PWWP3B: variants seen among roughly 807,000 people sequenced by gnomAD.
PWWP3B encodes PWWP domain containing 3B, also known as PWWP domain-containing DNA repair factor 3B.
A neutral mutation model predicts 15.7 loss-of-function variants in PWWP3B; 5 were observed. The observed-to-expected ratio is 0.32, with a 90% CI of 0.17 to 0.67. The LOEUF (loss-of-function observed/expected upper bound fraction) is 0.67, where lower values mean the gene tolerates loss of function less well. Ranked by LOEUF, PWWP3B falls within the 30% of genes least tolerant of loss-of-function variation. PWWP3B has a pLI of 0.74. For synonymous variants in PWWP3B, 203 were observed against 179.8 expected (o/e 1.13, Z -1.03); for missense variants, 519 against 493.1 (o/e 1.05, Z -0.50).
intron 2 of PWWP3B, among the ~76,000 whole-genome samples, chrX:106,178,066 T>C (rs1047201275): frequency 4.5e-5 from 5 of 111,870 alleles, no homozygotes; most frequent in African/African-American, 1.3e-4. Context: ...ACAGACACGC[T>C]CCCATACTCC....
At chrX:106,202,477 C>T (rs1205726069) in intron 2 of PWWP3B, among the ~76,000 whole-genome samples, 1 of 111,844 alleles carries the variant, frequency 8.9e-6, no homozygotes, top group South Asian at 3.8e-4. Context: ...CACACAAAGA[C>T]ATGCTCCCAT....
At chrX:106,203,665 G>T (rs1252573737) in intron 2 of PWWP3B, among the ~76,000 whole-genome samples, 1 of 111,974 alleles carries the variant, frequency 8.9e-6, no homozygotes, top group African/African-American at 3.2e-5. Context: ...CATGATAACT[G>T]ATGTGAGCAT....
At chrX:106,201,635 C>A (rs1410889585) in intron 2 of PWWP3B, 1 of 111,814 alleles carries the variant, frequency 8.9e-6, no homozygotes, top group Non-Finnish European at 1.9e-5. Context: ...CTCCCCTGAT[C>A]CAGGCAGGGG....
At chrX:106,189,719 G>A (rs1364339950) in intron 2 of PWWP3B, among the ~76,000 whole-genome samples, 6 of 103,513 alleles carry the variant, frequency 5.8e-5, no homozygotes, top group Non-Finnish European at 9.7e-5. Flanking sequence ...CCGGGTTCAC[G>A]CCATTCTCCT....
chrX:106,194,557 C>T (rs1021695450), intron 2 of PWWP3B, among the ~76,000 whole-genome samples: 8 of 112,234 alleles, frequency 7.1e-5, no homozygotes, highest in African/African-American at 1.3e-4. Context: ...AGTCATTCTC[C>T]GTCCAGCTTT....
At chrX:106,175,646 G>T (rs1262885762) in intron 2 of PWWP3B, among the ~76,000 whole-genome samples, 3 of 111,156 alleles carry the variant, frequency 2.7e-5, no homozygotes, top group Non-Finnish European at 5.7e-5. Context: ...AGTGAATAGT[G>T]GTGGAAAGAG....
intron 2 of PWWP3B, among the ~76,000 whole-genome samples, chrX:106,190,938 G>T (rs1201004305): frequency 1.8e-5 from 2 of 111,387 alleles, no homozygotes; most frequent in Non-Finnish European, 3.8e-5. Context: ...TGCTGTTTTG[G>T]TTACCGTAGC....
At chrX:106,189,151 G>C (rs911843015) in intron 2 of PWWP3B, among the ~76,000 whole-genome samples, 56 of 112,045 alleles carry the variant, frequency 5.0e-4, no homozygotes, top group Middle Eastern at 4.7e-3. Flanking sequence ...ACACATCATT[G>C]CTAGAAGTCG....
intron 2 of PWWP3B, among the ~76,000 whole-genome samples, chrX:106,192,660 C>T (rs1166379001): frequency 1.8e-5 from 2 of 111,305 alleles, no homozygotes; most frequent in African/African-American, 6.5e-5. Flanking sequence ...ATCTTTCCTG[C>T]TTTCTCTTGT....
Position 106,207,136 on chromosome X carries a change from C to T in PWWP3B, c.1704C>T (p.Asn568=), listed in dbSNP as rs934961503. 1.3e-5 allele frequency: 16 copies of T among 1,204,777 alleles called. No individual in the cohort carries two copies. The highest frequency in any genetic ancestry group is 2.2e-5 in the Admixed American group (1 of 45,145). The stretch of plus-strand genomic sequence containing the variant: ...TTGTGAATGCAAAGGGAACAGAGAA[C>T]CATCTTCTGGCCATTGTAAATGGCA... The part of the protein sequence containing the change: ...DFIVNAKGTE[N]HLLAIVNGTK... Residue 568 remains asparagine, a synonymous_variant, in exon 4 of 4, where the codon AAC becomes AAT. Coordinates refer to ENST00000357175, the MANE Select transcript of PWWP3B (RefSeq NM_001171020.2).
rs1460534711 is a variant in PWWP3B, at chrX:106,190,303, A to G, written c.-400-13682A>G. ...ATTTCTCTGATGGCCAGTAATGATG[A>G]GCATTTTTTCATGTGTTTTTTGGCT... On this transcript the variant is annotated intron_variant, in intron 2 of 3. Coordinates refer to ENST00000357175, the MANE Select transcript of PWWP3B (RefSeq NM_001171020.2). Among the ~76,000 whole-genome samples the G allele has an allele frequency of 5.3e-5, 6 of 112,358 alleles. No homozygotes were observed. In the East Asian group the frequency reaches 1.4e-3, roughly 26 times the overall value.
intron 2 of PWWP3B, among the ~76,000 whole-genome samples, chrX:106,183,032 G>A (rs1042655755): frequency 1.8e-5 from 2 of 110,795 alleles, no homozygotes; most frequent in Non-Finnish European, 3.8e-5. Flanking sequence ...GGTCCTGCAG[G>A]TTCCTCAGGG....
At chrX:106,197,848 T>C (rs760490120) in intron 2 of PWWP3B, among the ~76,000 whole-genome samples, 32 of 112,001 alleles carry the variant, frequency 2.9e-4, no homozygotes, top group Admixed American at 1.0e-3. Context: ...TGATTTCATA[T>C]GTTATCTAGA....
In PWWP3B at chrX:106,207,168, G is replaced by T. The variant is rs775933515; in HGVS notation, c.1736G>T (p.Gly579Val). 2.5e-6 allele frequency: 3 copies of T among 1,206,319 alleles called. No homozygotes were observed. The highest frequency in any genetic ancestry group is 3.4e-6 in the Non-Finnish European group (3 of 892,489). Residue 579 changes from glycine to valine, a missense_variant, in exon 4 of 4, where the codon GGA (glycine) becomes GTA (valine). Physicochemically the swap from Gly to Val is moderately radical, Grantham distance 109 (BLOSUM62 -3). Transcript: ENST00000357175. ...HLLAIVNGTK[G>V]SRWLKSFLNA... ...CTGGCCATTGTAAATGGCACAAAAG[G>T]ATCCAGATGGCTGAAATCATTTTTG...
rs759180583 is a variant in PWWP3B, at chrX:106,176,461, T to G, written c.-401+5322T>G. On this transcript the variant is annotated intron_variant, in intron 2 of 3. Transcript: ENST00000357175. ...CAGGAAGGGACAGAGATTCCTGTGG[T>G]GGCACCATATGAGCTTGCCCTCAAG... Among the ~76,000 whole-genome samples the G allele has an allele frequency of 5.4e-5, 6 of 111,872 alleles. No homozygotes were observed. In the East Asian group the frequency reaches 1.7e-3, roughly 31 times the overall value.
intron 2 of PWWP3B, among the ~76,000 whole-genome samples, chrX:106,180,342 C>A (rs1333337879): frequency 9.0e-6 from 1 of 111,366 alleles, no homozygotes; most frequent in Non-Finnish European, 1.9e-5. Context: ...TAGAACTACT[C>A]CTTTTCTTAG....
At chrX:106,199,968 C>T (rs371975782) in intron 2 of PWWP3B, among the ~76,000 whole-genome samples, 4 of 111,657 alleles carry the variant, frequency 3.6e-5, no homozygotes, top group African/African-American at 9.8e-5. Flanking sequence ...ACAGAGAGAA[C>T]GCTACATGTT....
In PWWP3B at chrX:106,174,517, T is replaced by C. The variant is rs1316134604; in HGVS notation, c.-401+3378T>C. Among the ~76,000 whole-genome samples the C allele has an allele frequency of 1.2e-3, 132 of 111,821 alleles. 11 individuals carry two copies. The highest frequency in any genetic ancestry group is 1.9e-5 in the Non-Finnish European group (1 of 53,239). ...GCAAAAGAGGATAAAAATGCAACTT[T>C]CCCATACTGAATTGGCAGCTGCAAA... is the stretch of plus-strand genomic sequence containing the variant. On this transcript the variant is annotated intron_variant, in intron 2 of 3. Coordinates refer to ENST00000357175, the MANE Select transcript of PWWP3B (RefSeq NM_001171020.2).
intron 2 of PWWP3B, among the ~76,000 whole-genome samples, chrX:106,186,332 C>G (rs760822951): frequency 1.8e-5 from 2 of 111,046 alleles, no homozygotes; most frequent in Non-Finnish European, 3.8e-5. Context: ...TTGTTCCAGG[C>G]AAACCAACAC....
Sources: allele counts gnomAD v4.1 joint callset (sites outside exome capture counted in the v4.1 genomes callset), GRCh38; gene constraint gnomAD v4.1.1; transcripts MANE v1.5; gene names NCBI Gene and HGNC (gene_info 2026-07-23, HGNC 2026-07-21).